C14orf93: variants seen among roughly 807,000 people sequenced by gnomAD.
The protein encoded by C14orf93 is uncharacterized protein C14orf93.
In C14orf93, 23 loss-of-function variants were observed where a neutral mutation model predicts 44.0. That is an observed-to-expected ratio of 0.52 (90% CI 0.38 to 0.74). C14orf93 has a LOEUF of 0.74. Ranked by LOEUF, C14orf93 falls within the 30% of genes least tolerant of loss-of-function variation. The pLI is 0.00. For synonymous variants in C14orf93, 253 were observed against 265.7 expected, an observed-to-expected ratio of 0.95 and a Z score of 0.46; for missense variants, 579 against 678.9, an observed-to-expected ratio of 0.85 and a Z score of 1.64.
chr14:22,987,906 A>C lies in C14orf93; in HGVS notation c.1194T>G (p.Tyr398Ter). 3 of 1,611,298 alleles carry C rather than the reference A, an allele frequency of 1.9e-6. No individual in the cohort carries two copies. The highest frequency in any genetic ancestry group is 2.5e-6 in the Non-Finnish European group (3 of 1,177,522). ...AAAGAAAGGCCTAGAAACCTACCCG[A>C]TATCGGCGACTTCGAAGTTTCTTCT... The part of the protein sequence containing the change: ...KEEKKLRSRR[Y>*]RLFANRSSIM... The change falls in exon 6 of 7, where the codon TAT becomes TAG. Residue 398 changes from tyrosine (Y) to a stop codon, truncating the protein, a stop_gained. Transcript: ENST00000299088. LOFTEE classifies it high-confidence loss of function. The surrounding 1 kb of genome is among the most constrained non-coding windows in gnomAD (Gnocchi z 5.6).
Position 22,986,765 on chromosome 14 carries a change from C to T in C14orf93, c.*450G>A. 1 of 180,516 alleles carries T rather than the reference C, an allele frequency of 5.5e-6. No individual in the cohort carries two copies. The highest frequency in any genetic ancestry group is 1.2e-5 in the Non-Finnish European group (1 of 84,008). 11.2% of individuals were successfully genotyped at this position (180,516 alleles called of 1,614,324 possible). A position where few individuals can be genotyped will look rare whatever the true frequency, so the allele number is the denominator to read the frequency against. On this transcript the variant is annotated 3_prime_UTR_variant, in exon 7 of 7. Transcript: ENST00000299088. The stretch of plus-strand genomic sequence containing the variant: ...ACTGCCCACCAGGTGGCGGTATTAA[C>T]CTGCACTGGTCATGTTCGGTTTCCA...
intron 1 of C14orf93, among the ~76,000 whole-genome samples, chr14:23,004,346 G>A (rs2046521301): frequency 6.6e-6 from 1 of 151,628 alleles, no homozygotes; most frequent in Non-Finnish European, 1.5e-5. Flanking sequence ...GAAGAGCTGG[G>A]ATTACAGGTA....
chr14:23,007,051 C>T (rs1594690980), intron 1 of C14orf93: 1 of 152,386 alleles, frequency 6.6e-6, no homozygotes, highest in African/African-American at 2.4e-5. Flanking sequence ...TGTTCTACCG[C>T]GTGTGCCTGG....
At chr14:23,008,022 A>T (rs1647934245) in intron 1 of C14orf93, among the ~76,000 whole-genome samples, 1 of 152,016 alleles carries the variant, frequency 6.6e-6, no homozygotes, top group Non-Finnish European at 1.5e-5. Flanking sequence ...GCATGGTGGC[A>T]CATGCCTGTA....
chr14:22,998,527 G>A lies in C14orf93; in HGVS notation c.497C>T (p.Ser166Leu). ...IEELRQLGAA[S>L]VGPGPLGFPA... The stretch of plus-strand genomic sequence containing the variant: ...GAAGCCCAAAGGCCCAGGCCCCACT[G>A]AGGCTGCTCCCAGCTGCCGCAGCTC... Residue 166 changes from serine to leucine, a missense_variant, in exon 2 of 7, where the codon TCA (serine) becomes TTA (leucine). By Grantham distance (145) the Ser-to-Leu change is moderately radical. Transcript: ENST00000299088. The A allele has an allele frequency of 1.2e-6, 2 of 1,613,320 alleles. No individual in the cohort carries two copies. The highest frequency in any genetic ancestry group is 1.7e-4 in the Middle Eastern group (1 of 6,046).
chr14:23,007,161 C>T (rs1481895649), intron 1 of C14orf93: 3 of 152,270 alleles, frequency 2.0e-5, no homozygotes, highest in African/African-American at 7.2e-5. Flanking sequence ...CTACCGCGCG[C>T]ACGCGGGGAG....
chr14:23,000,580 G>A (rs1270756487), intron 1 of C14orf93, among the ~76,000 whole-genome samples: 2 of 151,986 alleles, frequency 1.3e-5, no homozygotes, highest in Non-Finnish European at 2.9e-5. Flanking sequence ...ACCGGGCGTA[G>A]TGGCGGGCAT....
chr14:23,007,101 G>A (rs959677799), intron 1 of C14orf93: 1 of 152,292 alleles, frequency 6.6e-6, no homozygotes, highest in African/African-American at 2.4e-5. Flanking sequence ...AGAGGCGGAG[G>A]CGGGCGCGCG....
rs1337206647 is a variant in C14orf93 at position 22,986,864 on chromosome 14, A to G, written c.*351T>C. On this transcript the variant is annotated 3_prime_UTR_variant, in exon 7 of 7. Coordinates refer to ENST00000299088, the MANE Select transcript of C14orf93 (RefSeq NM_021944.4). Reference sequence around the variant, plus strand: ...GCTGCTTCCTCAGAGCTTTGGGTGGAACTGGGCAGGGGCAGAAACAACTCA... The same window carrying G: ...GCTGCTTCCTCAGAGCTTTGGGTGGGACTGGGCAGGGGCAGAAACAACTCA... The G allele has an allele frequency of 3.6e-6, 1 of 280,360 alleles. No homozygotes were observed. The highest frequency in any genetic ancestry group is 6.8e-6 in the Non-Finnish European group (1 of 147,466). The allele number at this position is 280,360 out of a possible 1,614,324, so 17.4% of individuals were successfully genotyped here.
At chr14:22,995,228 GC>G (rs1296025690) in intron 3 of C14orf93, among the ~76,000 whole-genome samples, 1 of 152,204 alleles carries the variant, frequency 6.6e-6, no homozygotes, top group Non-Finnish European at 1.5e-5. Context: ...CATCTCTGAA[GC>G]TTGAGACCAC....
intron 3 of C14orf93, among the ~76,000 whole-genome samples, chr14:22,992,575 A>AT (rs986846801): frequency 5.4e-5 from 8 of 149,306 alleles, no homozygotes; most frequent in African/African-American, 2.0e-4. Context: ...TTATTTATTT[A>AT]TTTTTATTTT....
Position 22,996,058 on chromosome 14 carries a change from G to A in C14orf93, c.808C>T (p.Pro270Ser), listed in dbSNP as rs2045954429. 6.2e-7 allele frequency: 1 copy of A among 1,614,002 alleles called. No homozygotes were observed. Among genetic ancestry groups the A allele is most frequent in the African/African-American group, 1.3e-5 (1 of 74,904 alleles). ...ALDSALEESG[P>S]GSTGELRHSL... ...TGTCTCAGCTCCCCAGTGCTCCCAG[G>A]GCCTGACTCTTCCAAGGCACTGTCC... The change falls in exon 3 of 7, where the codon CCT (proline) becomes TCT (serine). Residue 270 changes from proline to serine, a missense_variant. By Grantham distance (74) the Pro-to-Ser change is moderately conservative (BLOSUM62 -1). Transcript: ENST00000299088. The surrounding 1 kb of genome is among the most constrained non-coding windows in gnomAD (Gnocchi z 4.1).
chr14:22,999,495 GC>G (rs2046188457), intron 1 of C14orf93, 93 bp from the exon 2 acceptor site: 1 of 158,488 alleles, frequency 6.3e-6, no homozygotes, highest in African/African-American at 2.4e-5. Context: ...GCATTTCATT[GC>G]TTTGACATTG....
At chr14:22,998,213 A>C in intron 2 of C14orf93, 2 of 645,350 alleles carry the variant, frequency 3.1e-6, no homozygotes, top group Non-Finnish European at 4.9e-6. Context: ...CCATCACTAC[A>C]CACAGCAAAA....
chr14:22,999,071 A>G lies in C14orf93; in HGVS notation c.-48T>C, dbSNP rs1377480326. On this transcript the variant is annotated 5_prime_UTR_variant, in exon 2 of 7. Coordinates refer to ENST00000299088, the MANE Select transcript of C14orf93 (RefSeq NM_021944.4). ...ACGCTTACACTGCTGGGCCGCTCCA[A>G]CAGGTAGGAAGCATCAACTTCTCTG... 5 of 1,546,534 alleles carry G rather than the reference A, an allele frequency of 3.2e-6. No homozygotes were observed. The highest frequency in any genetic ancestry group is 2.3e-5 in the East Asian group (1 of 44,328).
Position 22,996,175 on chromosome 14 carries a change from T to C in C14orf93, c.691A>G (p.Ile231Val). Residue 231 changes from isoleucine to valine, a missense_variant, in exon 3 of 7, where the codon ATC becomes GTC. Ile to Val is a conservative substitution (Grantham distance 29). Coordinates refer to ENST00000299088, the MANE Select transcript of C14orf93 (RefSeq NM_021944.4). This position sits in a 1 kb window ranked among gnomAD's most constrained non-coding sequence, Gnocchi z 4.1. ...KQLSPATQLA[I>V]QRATPETGPE... ...CCTGTCTCTGGGGTTGCCCGCTGGA[T>C]TGCCAGTTGTGTGGCTGGTGAGAGT... 1.9e-6 allele frequency: 3 copies of C among 1,613,604 alleles called. No individual in the cohort carries two copies. Among genetic ancestry groups the C allele is most frequent in the Middle Eastern group, 3.3e-4 (2 of 6,062 alleles).
intron 1 of C14orf93, among the ~76,000 whole-genome samples, chr14:23,008,330 A>G (rs964613306): frequency 2.0e-5 from 3 of 152,230 alleles, no homozygotes; most frequent in African/African-American, 7.2e-5. Flanking sequence ...AAATACACTC[A>G]GCACAAGTAA....
chr14:23,006,591 T>C (rs1339872418), intron 1 of C14orf93: 1 of 152,244 alleles, frequency 6.6e-6, no homozygotes. Flanking sequence ...ACCCACTGCA[T>C]TTATGGAGAA....
In C14orf93 at chr14:22,996,012, G is replaced by C. The variant is rs762200583; in HGVS notation, c.854C>G (p.Ser285Cys). 6.2e-6 allele frequency: 10 copies of C among 1,613,128 alleles called. No homozygotes were observed. In the East Asian group the frequency reaches 2.2e-4, roughly 36 times the overall value. Residue 285 changes from serine (S) to cysteine (C), a missense_variant, in exon 3 of 7, where the codon TCC (serine) becomes TGC (cysteine). Coordinates refer to ENST00000299088, the MANE Select transcript of C14orf93 (RefSeq NM_021944.4). The surrounding 1 kb of genome is among the most constrained non-coding windows in gnomAD (Gnocchi z 4.1). ...ELRHSLGLTV[S>C]PCRTRGSGQK... ...CCCACTTCCTCTGGTCCTGCATGGG[G>C]AAACGGTCAGCCCTAGAGAGTGTCT...
Sources: allele counts gnomAD v4.1 joint callset (sites outside exome capture counted in the v4.1 genomes callset), GRCh38; gene constraint gnomAD v4.1.1; non-coding constraint Gnocchi (gnomAD v3.1); transcripts MANE v1.5; gene names NCBI Gene and HGNC (gene_info 2026-07-23, HGNC 2026-07-21).